The following LRRK1 variants were observed in gnomAD, a reference collection of about 807,000 sequenced individuals.
The protein encoded by LRRK1 is leucine rich repeat kinase 1.
In LRRK1, 113 loss-of-function variants were observed where a neutral mutation model predicts 209.1. The observed-to-expected ratio is 0.54, with a 90% CI of 0.46 to 0.63. LRRK1 has a LOEUF of 0.63. Among genes scored for constraint, LRRK1 ranks in the 30% least tolerant of loss-of-function variants. The probability of loss-of-function intolerance (pLI) is 0.00; values close to 1 mark genes in which losing one functional copy is unlikely to be tolerated. For missense variants in LRRK1, 2,284 were observed against 2,632.2 expected, an observed-to-expected ratio of 0.87 and a Z score of 2.89; for synonymous variants, 1,144 against 1,099.7, an observed-to-expected ratio of 1.04 and a Z score of -0.80.
intron 2 of LRRK1, among the ~76,000 whole-genome samples, chr15:100,960,337 G>C (rs766649288): frequency 4.4e-5 from 6 of 134,998 alleles, no homozygotes; most frequent in Non-Finnish European, 7.7e-5. Context: ...TTTGGAATCA[G>C]TTTCCCAGAA....
intron 2 of LRRK1, among the ~76,000 whole-genome samples, chr15:100,968,674 C>T (rs199601351): frequency 1.6e-4 from 13 of 80,440 alleles, no homozygotes; most frequent in Middle Eastern, 0.014. Flanking sequence ...CTTTCTTTTT[C>T]TTTCTTTCTT....
At chr15:100,963,573 C>G (rs2030235613) in intron 2 of LRRK1, among the ~76,000 whole-genome samples, 1 of 152,242 alleles carries the variant, frequency 6.6e-6, no homozygotes, top group Admixed American at 6.5e-5. Flanking sequence ...GCCTGGGCCG[C>G]TTGTCTGCAG....
rs1464390713 is a variant in LRRK1, at chr15:101,072,464, G to A, written c.*3616G>A. The A allele has an allele frequency of 6.6e-6, 1 of 152,292 alleles. No homozygotes were observed. The highest frequency in any genetic ancestry group is 1.5e-5 in the Non-Finnish European group (1 of 68,078). 9.4% of individuals were successfully genotyped at this position (152,292 alleles called of 1,614,324 possible). A position where few individuals can be genotyped will look rare whatever the true frequency, so the allele number is the denominator to read the frequency against. On this transcript the variant is annotated 3_prime_UTR_variant, in exon 34 of 34. Transcript: ENST00000388948. ...CAAGATATAATAAATGCATTTGTTT[G>A]AAAGCAGCTTGCAGCACAGTGCGTC...
chr15:101,029,880 A>G (rs2034207295), intron 20 of LRRK1, among the ~76,000 whole-genome samples: 3 of 152,148 alleles, frequency 2.0e-5, no homozygotes, highest in Admixed American at 2.0e-4. Flanking sequence ...AACAACAACA[A>G]CAAAAAAAGA....
rs1161712901 is a variant in LRRK1, at chr15:101,051,794, C to G, written c.3523C>G (p.His1175Asp). 6.2e-7 allele frequency: 1 copy of G among 1,614,088 alleles called. No homozygotes were observed. The highest frequency in any genetic ancestry group is 1.7e-5 in the Admixed American group (1 of 60,032). ...CPVCETAWAQ[H>D]TDPSEKSEDV... Reference sequence around the variant, plus strand: ...GGTCTGCGAGACAGCCTGGGCCCAGCACACGGACCCCAGTGAGAAATCAGA... The same window carrying G: ...GGTCTGCGAGACAGCCTGGGCCCAGGACACGGACCCCAGTGAGAAATCAGA... The change falls in exon 24 of 34, where the codon CAC (histidine) becomes GAC (aspartate). Residue 1175 changes from histidine (H) to aspartate (D), a missense_variant. Physicochemically the swap from His to Asp is moderately conservative, Grantham distance 81 (BLOSUM62 -1). Around this residue, in one of 6 missense-constraint regions of LRRK1, gnomAD observed 780 missense variants for 985.2 expected, o/e 0.79. Transcript: ENST00000388948.
chr15:101,026,281 C>A, intron 17 of LRRK1, 144 bp downstream of exon 17: 2 of 789,550 alleles, frequency 2.5e-6, no homozygotes, highest in Non-Finnish European at 4.0e-6. Flanking sequence ...CAGAGCTGAC[C>A]CAGCCTTGGG....
At chr15:100,992,852 A>G (rs1195089816) in intron 6 of LRRK1, among the ~76,000 whole-genome samples, 2 of 152,194 alleles carry the variant, frequency 1.3e-5, no homozygotes, top group Non-Finnish European at 2.9e-5. Flanking sequence ...TATTTTTAGT[A>G]GAGATGGGAT....
chr15:100,932,845 C>T (rs896311758), intron 2 of LRRK1, among the ~76,000 whole-genome samples: 1 of 152,206 alleles, frequency 6.6e-6, no homozygotes, highest in Non-Finnish European at 1.5e-5. Flanking sequence ...CATCTATCTG[C>T]TGCTCCCTCT....
intron 20 of LRRK1, among the ~76,000 whole-genome samples, chr15:101,044,507 C>T (rs147390147): frequency 3.3e-5 from 5 of 152,208 alleles, no homozygotes; most frequent in South Asian, 2.1e-4. Flanking sequence ...CTCTGAAACC[C>T]GGAGCCAGCG....
intron 33 of LRRK1, 96 bp from the exon 34 acceptor site, chr15:101,068,575 C>G (rs561371593): frequency 2.2e-6 from 3 of 1,338,526 alleles, no homozygotes; most frequent in Non-Finnish European, 3.1e-6. Flanking sequence ...CTGCCCTTAG[C>G]CAGCTCCGCC....
intron 6 of LRRK1, 24 bp from the exon 7 acceptor site, chr15:101,008,813 C>T: frequency 6.3e-7 from 1 of 1,574,870 alleles, no homozygotes; most frequent in Non-Finnish European, 8.7e-7. Context: ...TCCACATGTG[C>T]TTTTCCTTTC....
intron 2 of LRRK1, among the ~76,000 whole-genome samples, chr15:100,971,839 C>A (rs959095757): frequency 2.0e-5 from 3 of 152,178 alleles, no homozygotes; most frequent in South Asian, 4.1e-4. Context: ...GTCTTTGCCT[C>A]CATGGGATCA....
At chr15:100,964,032 T>C (rs1470350668) in intron 2 of LRRK1, among the ~76,000 whole-genome samples, 2 of 152,196 alleles carry the variant, frequency 1.3e-5, no homozygotes, top group African/African-American at 2.4e-5. Flanking sequence ...GGTGAGTATA[T>C]CCACAAAATG....
chr15:100,951,538 C>T (rs989753289), intron 2 of LRRK1, among the ~76,000 whole-genome samples: 3 of 152,032 alleles, frequency 2.0e-5, no homozygotes, highest in African/African-American at 4.8e-5. Context: ...GTGGAAAAAC[C>T]CAAGCTCCCA....
intron 22 of LRRK1, chr15:101,049,400 C>T (rs901047759): frequency 1.8e-5 from 8 of 444,948 alleles, no homozygotes; most frequent in Admixed American, 4.0e-5. Flanking sequence ...TGAGGGTCAG[C>T]TCCCAGGCTG....
chr15:100,967,745 A>G (rs1323945810), intron 2 of LRRK1, among the ~76,000 whole-genome samples: 2 of 152,194 alleles, frequency 1.3e-5, no homozygotes, highest in East Asian at 3.8e-4. Context: ...CACACCATTA[A>G]CACTTTCCAA....
At chr15:100,986,928 A>G (rs141588356) in intron 4 of LRRK1, among the ~76,000 whole-genome samples, 1 of 152,264 alleles carries the variant, frequency 6.6e-6, no homozygotes, top group African/African-American at 2.4e-5. Context: ...AACCTCTCTG[A>G]GCTTTGGTTT....
intron 6 of LRRK1, among the ~76,000 whole-genome samples, chr15:101,000,557 C>G (rs545855314): frequency 6.6e-6 from 1 of 152,176 alleles, no homozygotes. Context: ...TTGGAAGGGT[C>G]GGCTTCTCCT....
At chr15:101,021,665 T>C in intron 13 of LRRK1, 180 bp from the exon 14 acceptor site, 1 of 573,018 alleles carries the variant, frequency 1.7e-6, no homozygotes, top group Non-Finnish European at 3.1e-6. Context: ...AGCTGCCGTT[T>C]CTATCACTGA....
Sources: gnomAD v4.1 joint callset for allele counts (sites outside exome capture counted in the v4.1 genomes callset) on GRCh38, gnomAD v4.1.1 for gene constraint, gnomAD v4.1.1 regional missense constraint, MANE v1.5 for transcripts, NCBI Gene and HGNC (gene_info 2026-07-23, HGNC 2026-07-21) for gene names.